The following DGKG variants were observed in gnomAD, a reference collection of about 807,000 sequenced individuals.
DGKG encodes the protein diacylglycerol kinase gamma, also known as DAG kinase gamma.
Under a neutral mutation model 105.3 loss-of-function variants are expected in DGKG, and 78 were observed. The ratio of observed to expected loss-of-function variants is 0.74; its 90% confidence interval spans 0.62 to 0.89. The LOEUF is 0.89. Among genes scored for constraint, DGKG ranks in the 40% least tolerant of loss-of-function variants. The probability of loss-of-function intolerance (pLI) is 0.00; values close to 1 mark genes in which losing one functional copy is unlikely to be tolerated. For missense variants in DGKG, 958 were observed against 1,020.1 expected, an observed-to-expected ratio of 0.94 and a Z score of 0.83; for synonymous variants, 346 against 367.1, an observed-to-expected ratio of 0.94 and a Z score of 0.66.
At chr3:186,168,192 T>G (rs954394021) in intron 22 of DGKG, among the ~76,000 whole-genome samples, 9 of 152,180 alleles carry the variant, frequency 5.9e-5, no homozygotes, top group Admixed American at 5.2e-4. Flanking sequence ...AAAAAGTATT[T>G]TTTCCTAAGG....
At chr3:186,285,977 C>T (rs1049265301) in intron 6 of DGKG, among the ~76,000 whole-genome samples, 4 of 152,210 alleles carry the variant, frequency 2.6e-5, no homozygotes, top group South Asian at 2.1e-4. Flanking sequence ...CTGCGCTCCC[C>T]GGCCTTTCCT....
intron 24 of DGKG, among the ~76,000 whole-genome samples, chr3:186,152,695 G>A (rs1029989196): frequency 1.1e-4 from 16 of 152,168 alleles, no homozygotes; most frequent in Admixed American, 2.6e-4. Context: ...ACAGAGTCTC[G>A]CTCTATCACC....
At chr3:186,151,768 G>C (rs1715772770) in intron 24 of DGKG, among the ~76,000 whole-genome samples, 1 of 152,140 alleles carries the variant, frequency 6.6e-6, no homozygotes, top group Non-Finnish European at 1.5e-5. Flanking sequence ...TGAGTGCCTG[G>C]CTAAGAGGGC....
chr3:186,253,230 G>T (rs368358782), intron 17 of DGKG, 48 bp from the exon 18 acceptor site: 1 of 1,472,606 alleles, frequency 6.8e-7, no homozygotes, highest in African/African-American at 1.4e-5. Context: ...TGGGACTGTA[G>T]AATGTTTGAG....
intron 19 of DGKG, among the ~76,000 whole-genome samples, chr3:186,245,097 A>G (rs923592795): frequency 2.6e-5 from 4 of 152,202 alleles, no homozygotes; most frequent in African/African-American, 9.6e-5. Flanking sequence ...CCTACCCCCA[A>G]TACTGCTGAT....
chr3:186,356,382 G>A (rs182400736), intron 1 of DGKG, among the ~76,000 whole-genome samples: 26 of 152,292 alleles, frequency 1.7e-4, no homozygotes, highest in Non-Finnish European at 3.7e-4. Context: ...GATAAAATGA[G>A]AAACAATGCA....
chr3:186,278,441 C>T (rs901708338), intron 9 of DGKG, among the ~76,000 whole-genome samples: 1 of 151,974 alleles, frequency 6.6e-6, no homozygotes, highest in African/African-American at 2.4e-5. Flanking sequence ...GTGATGTGAG[C>T]GAGTAAGGGG....
intron 20 of DGKG, among the ~76,000 whole-genome samples, chr3:186,236,988 A>G (rs1445699119): frequency 6.6e-6 from 1 of 152,228 alleles, no homozygotes; most frequent in Non-Finnish European, 1.5e-5. Flanking sequence ...GCTTTTATGT[A>G]TAGATTTCAT....
In DGKG at chr3:186,264,866, G is replaced by GT. The variant is rs371251110; in HGVS notation, c.1269+380dup. ...GGATTAAGAAGAACTTTTAGATCTG[G>GT]TTAGCTTCATTTTGGCAGATCATGT... On this transcript the variant is annotated intron_variant, in intron 14 of 24. Transcript: ENST00000265022. 1.3e-4 allele frequency among the ~76,000 whole-genome samples: 20 copies of GT among 152,298 alleles called. 1 individual carries two copies. Among genetic ancestry groups the GT allele is most frequent in the African/African-American group, 4.8e-4 (20 of 41,566 alleles).
chr3:186,310,283 A>AAAC (rs1724470903), intron 2 of DGKG, among the ~76,000 whole-genome samples: 2 of 148,946 alleles, frequency 1.3e-5, no homozygotes, highest in African/African-American at 4.9e-5. Flanking sequence ...AAAAAAAAAA[A>AAAC]AAAAAACCAC....
At chr3:186,216,208 C>G (rs1001760718) in intron 20 of DGKG, among the ~76,000 whole-genome samples, 1 of 152,126 alleles carries the variant, frequency 6.6e-6, no homozygotes, top group South Asian at 2.1e-4. Flanking sequence ...CCATGTTGGC[C>G]GGGCTGGTCT....
chr3:186,206,306 C>T (rs1038152372), intron 21 of DGKG, among the ~76,000 whole-genome samples: 1 of 152,008 alleles, frequency 6.6e-6, no homozygotes, highest in African/African-American at 2.4e-5. Context: ...ATCACTTGAA[C>T]CTGGGAGGCG....
chr3:186,264,551 A>G (rs1404306491), intron 14 of DGKG, among the ~76,000 whole-genome samples: 1 of 152,236 alleles, frequency 6.6e-6, no homozygotes, highest in African/African-American at 2.4e-5. Context: ...GGCGTGAGCC[A>G]CTGCGCCCGG....
chr3:186,215,141 C>T (rs112777745), intron 20 of DGKG, among the ~76,000 whole-genome samples: 2,486 of 152,188 alleles, frequency 0.016, 65 homozygotes, highest in South Asian at 0.065. Context: ...TGGGGCGCGA[C>T]GGCTCACGCC....
rs1289841273 is a variant in DGKG at position 186,158,064 on chromosome 3, TA to T, written c.2277+3538del. The stretch of plus-strand genomic sequence containing the variant: ...TATTTATATTTTTATATTACATTTA[TA>T]TTTTTTACCTTTTAATATGTTTGAT... On this transcript the variant is annotated intron_variant, in intron 24 of 24. Transcript: ENST00000265022. 7.8e-6 allele frequency: 3 copies of T among 382,768 alleles called. No individual in the cohort carries two copies. In the East Asian group the frequency reaches 4.8e-4, roughly 62 times the overall value. 23.7% of individuals were successfully genotyped at this position (382,768 alleles called of 1,614,324 possible).
intron 1 of DGKG, among the ~76,000 whole-genome samples, chr3:186,328,108 C>G (rs1476611530): frequency 6.6e-6 from 1 of 152,202 alleles, no homozygotes; most frequent in Non-Finnish European, 1.5e-5. Context: ...TGCCTTTGAT[C>G]TACTTGAAAT....
At chr3:186,202,006 G>C (rs1336400006) in intron 21 of DGKG, among the ~76,000 whole-genome samples, 2 of 152,190 alleles carry the variant, frequency 1.3e-5, no homozygotes, top group African/African-American at 4.8e-5. Context: ...CATTGTGAAG[G>C]GCATATGGGC....
At chr3:186,283,968 G>A (rs1238908656) in intron 7 of DGKG, among the ~76,000 whole-genome samples, 3 of 152,160 alleles carry the variant, frequency 2.0e-5, no homozygotes, top group Admixed American at 1.3e-4. Context: ...TGACAGTCAG[G>A]ACAACAGGGC....
chr3:186,354,403 G>A (rs1036617400), intron 1 of DGKG, among the ~76,000 whole-genome samples: 1 of 152,210 alleles, frequency 6.6e-6, no homozygotes, highest in African/African-American at 2.4e-5. Flanking sequence ...CATCAGCAAA[G>A]TGAAAACTTG....
Sources: gnomAD v4.1 joint callset for allele counts (sites outside exome capture counted in the v4.1 genomes callset) on GRCh38, gnomAD v4.1.1 for gene constraint, MANE v1.5 for transcripts, NCBI Gene and HGNC (gene_info 2026-07-23, HGNC 2026-07-21) for gene names.